The following AKAP13 variants were observed in gnomAD, a reference collection of about 807,000 sequenced individuals.
AKAP13 encodes A-kinase anchoring protein 13.
A neutral mutation model predicts 264.5 loss-of-function variants in AKAP13; 80 were observed. The observed-to-expected ratio is 0.30, with a 90% CI of 0.25 to 0.36. The LOEUF is 0.36. Ranked by LOEUF, AKAP13 falls within the 10% of genes least tolerant of loss-of-function variation. The pLI is 1.00. For synonymous variants in AKAP13, 1,380 were observed against 1,250.2 expected (o/e 1.10, Z -2.19); for missense variants, 3,712 against 3,435.2 (o/e 1.08, Z -2.01).
chr15:85,544,145 T>G lies in AKAP13; in HGVS notation c.662+190T>G, dbSNP rs556272520. The stretch of plus-strand genomic sequence containing the variant: ...CACTTCATTGTCTGAGAGAGAAACG[T>G]AAGTCGTGTTAACCATTTTCTCTCT... On this transcript the variant is annotated intron_variant, in intron 5 of 36. Transcript: ENST00000394518. 2.3e-5 allele frequency: 17 copies of G among 727,758 alleles called. No individual in the cohort carries two copies. The East Asian group carries it at 4.7e-4, about 20-fold the overall frequency. The allele number at this position is 727,758 out of a possible 1,614,324, so 45.1% of individuals were successfully genotyped here. A position where few individuals can be genotyped will look rare whatever the true frequency, so the allele number is the denominator to read the frequency against.
intron 30 of AKAP13, among the ~76,000 whole-genome samples, chr15:85,732,625 ATTTCC>A (rs138774869): frequency 0.062 from 9,288 of 150,206 alleles, 400 homozygotes; most frequent in Admixed American, 0.16. Context: ...TTACATCTCT[ATTTCC>A]TTTCTTTCAC....
intron 2 of AKAP13, among the ~76,000 whole-genome samples, chr15:85,520,313 G>A (rs562284876): frequency 6.6e-6 from 1 of 151,798 alleles, no homozygotes; most frequent in African/African-American, 2.4e-5. Context: ...TGGCCAACAC[G>A]GCGAAACCTT....
At chr15:85,681,209 C>T (rs1014236308) in intron 14 of AKAP13, among the ~76,000 whole-genome samples, 11 of 152,134 alleles carry the variant, frequency 7.2e-5, no homozygotes, top group Admixed American at 6.6e-4. Flanking sequence ...TGAAACCAAC[C>T]TCAAGGAAAA....
intron 19 of AKAP13, among the ~76,000 whole-genome samples, chr15:85,713,999 G>A (rs957417484): frequency 3.3e-5 from 5 of 152,110 alleles, no homozygotes; most frequent in African/African-American, 1.2e-4. Flanking sequence ...TCGGATGATA[G>A]GTGTGCCAGC....
chr15:85,409,920 C>T (rs368130817), intron 1 of AKAP13, among the ~76,000 whole-genome samples: 19 of 151,610 alleles, frequency 1.3e-4, no homozygotes, highest in South Asian at 2.1e-4. Context: ...CGTGAGACAC[C>T]GCGCCTGGCC....
rs1191653498 is a variant in AKAP13, at chr15:85,533,841, A to G, written c.439A>G (p.Thr147Ala). The G allele has an allele frequency of 6.2e-7, 1 of 1,612,874 alleles. No individual in the cohort carries two copies. Among genetic ancestry groups the G allele is most frequent in the South Asian group, 1.1e-5 (1 of 90,884 alleles). Residue 147 changes from threonine to alanine, a missense_variant, in exon 4 of 37, where the codon ACG (threonine) becomes GCG (alanine). This residue lies in a region of AKAP13 where 2,759 missense variants were observed against 2,411.7 expected (regional missense o/e 1.14). Transcript: ENST00000394518. Reference sequence around the variant, plus strand: ...GGCATTCAGGCACCTGAAGCTGCCCACGGAGTGGAATGTATTGGGGACAGA... The same window carrying G: ...GGCATTCAGGCACCTGAAGCTGCCCGCGGAGTGGAATGTATTGGGGACAGA... Reference protein sequence around the residue: ...VLAFRHLKLPTEWNVLGTDQS... With the variant: ...VLAFRHLKLPAEWNVLGTDQS...
At chr15:85,568,887 G>T (rs964038583) in intron 5 of AKAP13, among the ~76,000 whole-genome samples, 1 of 152,152 alleles carries the variant, frequency 6.6e-6, no homozygotes, top group Admixed American at 6.5e-5. Flanking sequence ...TAGATTGGGG[G>T]GTAGTGAAGG....
chr15:85,466,976 A>T (rs2074764283), intron 1 of AKAP13, among the ~76,000 whole-genome samples: 1 of 152,036 alleles, frequency 6.6e-6, no homozygotes, highest in Non-Finnish European at 1.5e-5. Flanking sequence ...GTGGGTTCCC[A>T]GCATGGACCA....
At chr15:85,567,289 G>A (rs1216248041) in intron 5 of AKAP13, among the ~76,000 whole-genome samples, 1 of 151,886 alleles carries the variant, frequency 6.6e-6, no homozygotes, top group Admixed American at 6.6e-5. Flanking sequence ...TGTATTTTTA[G>A]TAGAGACGGG....
At chr15:85,507,217 G>T (rs896806459) in intron 2 of AKAP13, among the ~76,000 whole-genome samples, 3 of 152,112 alleles carry the variant, frequency 2.0e-5, no homozygotes, top group Admixed American at 6.5e-5. Flanking sequence ...TTGGGGGTGT[G>T]TGAACTGCTG....
At chr15:85,661,186 T>A (rs570172720) in intron 12 of AKAP13, among the ~76,000 whole-genome samples, 1 of 152,352 alleles carries the variant, frequency 6.6e-6, no homozygotes, top group Admixed American at 6.5e-5. Context: ...TTCCATGCAG[T>A]TTCCTTTATA....
intron 8 of AKAP13, among the ~76,000 whole-genome samples, chr15:85,628,301 G>C (rs80131720): frequency 3.1e-4 from 47 of 152,184 alleles, no homozygotes; most frequent in African/African-American, 1.1e-3. Context: ...CCTTAACCTG[G>C]TTTCTTGCCT....
intron 16 of AKAP13, among the ~76,000 whole-genome samples, chr15:85,692,299 G>C (rs1487314482): frequency 6.6e-6 from 1 of 152,158 alleles, no homozygotes; most frequent in Non-Finnish European, 1.5e-5. Context: ...GCATTATTGT[G>C]TATTCACTGT....
chr15:85,385,272 T>C (rs1193670299), intron 1 of AKAP13, among the ~76,000 whole-genome samples: 1 of 152,164 alleles, frequency 6.6e-6, no homozygotes, highest in Non-Finnish European at 1.5e-5. Context: ...TCTCTATTTG[T>C]CTCCCAAATA....
chr15:85,394,309 C>T (rs903534720), intron 1 of AKAP13, among the ~76,000 whole-genome samples: 1 of 152,146 alleles, frequency 6.6e-6, no homozygotes, highest in African/African-American at 2.4e-5. Context: ...TATATCTTCT[C>T]TGTAATACAG....
chr15:85,491,308 T>C (rs1452611602), intron 2 of AKAP13, among the ~76,000 whole-genome samples: 1 of 151,986 alleles, frequency 6.6e-6, no homozygotes, highest in Non-Finnish European at 1.5e-5. Context: ...TTAGGGATAC[T>C]GGGATTTATC....
chr15:85,672,768 C>G lies in AKAP13; in HGVS notation c.5101+2938C>G, dbSNP rs1484478067. On this transcript the variant is annotated intron_variant, in intron 14 of 36. Transcript: ENST00000394518. Reference sequence around the variant, plus strand: ...GCTTAAATCTGACTTCATTTGAAGTCCATAGCATATTTTCTGTCATATAAT... The same window carrying G: ...GCTTAAATCTGACTTCATTTGAAGTGCATAGCATATTTTCTGTCATATAAT... Among the ~76,000 whole-genome samples the G allele has an allele frequency of 3.9e-5, 6 of 152,308 alleles. No homozygotes were observed. In the East Asian group the frequency reaches 1.2e-3, roughly 29 times the overall value.
At chr15:85,736,215 T>C (rs1002403623) in intron 33 of AKAP13, 81 bp downstream of exon 33, 1 of 1,271,090 alleles carries the variant, frequency 7.9e-7, no homozygotes, top group Non-Finnish European at 1.1e-6. Context: ...TCCTTTTTTT[T>C]TTTTCTTTTT....
chr15:85,602,509 C>T (rs970671731), intron 8 of AKAP13, among the ~76,000 whole-genome samples: 6 of 151,274 alleles, frequency 4.0e-5, no homozygotes, highest in South Asian at 2.1e-4. Flanking sequence ...TTTTTTGAAA[C>T]GGAGTCTTGC....
Sources: gnomAD v4.1 joint callset for allele counts (sites outside exome capture counted in the v4.1 genomes callset) on GRCh38, gnomAD v4.1.1 for gene constraint, gnomAD v4.1.1 regional missense constraint, MANE v1.5 for transcripts, NCBI Gene and HGNC (gene_info 2026-07-23, HGNC 2026-07-21) for gene names.